Variants in HHIPL2 observed in about 807,000 individuals in gnomAD.
HHIPL2 encodes HHIP like 2, also known as HHIP-like protein 2.
In HHIPL2, 61 loss-of-function variants were observed where a neutral mutation model predicts 61.0. That is an observed-to-expected ratio of 1.00 (90% CI 0.81 to 1.24). The LOEUF (loss-of-function observed/expected upper bound fraction) is 1.24, where lower values mean the gene tolerates loss of function less well. HHIPL2 is among the 50% of genes most tolerant of loss of function. The pLI is 0.00. For synonymous variants in HHIPL2, 343 were observed against 357.4 expected, an observed-to-expected ratio of 0.96 and a Z score of 0.45; for missense variants, 885 against 910.2, an observed-to-expected ratio of 0.97 and a Z score of 0.36.
intron 5 of HHIPL2, among the ~76,000 whole-genome samples, chr1:222,532,639 G>A (rs145510981): frequency 5.9e-4 from 88 of 150,026 alleles, no homozygotes; most frequent in African/African-American, 1.9e-3. Flanking sequence ...AGAGTTTGAC[G>A]TGCTGTGTAG....
At chr1:222,542,765 C>T (rs938250947) in intron 2 of HHIPL2, among the ~76,000 whole-genome samples, 12 of 152,022 alleles carry the variant, frequency 7.9e-5, no homozygotes, top group South Asian at 4.2e-4. Flanking sequence ...TCAAGTGATC[C>T]GCCCGCCTCA....
chr1:222,527,124 A>C, intron 6 of HHIPL2, 74 bp from the exon 7 acceptor site: 3 of 1,187,598 alleles, frequency 2.5e-6, no homozygotes, highest in Non-Finnish European at 3.7e-6. Context: ...ATGCACAGAA[A>C]ATGGTCAAAA....
chr1:222,531,628 G>A (rs1389915046), intron 6 of HHIPL2, among the ~76,000 whole-genome samples: 1 of 151,934 alleles, frequency 6.6e-6, no homozygotes, highest in Non-Finnish European at 1.5e-5. Context: ...GGCGCCTGTA[G>A]TCCCAGCTAC....
chr1:222,523,046 G>A (rs913772484), intron 8 of HHIPL2, among the ~76,000 whole-genome samples, 159 bp from the exon 9 acceptor site: 2 of 151,788 alleles, frequency 1.3e-5, no homozygotes, highest in Non-Finnish European at 2.9e-5. Flanking sequence ...TTTTTAGAAG[G>A]GTCACTCCAG....
intron 5 of HHIPL2, among the ~76,000 whole-genome samples, chr1:222,535,177 C>G (rs1195003483): frequency 6.6e-6 from 1 of 152,132 alleles, no homozygotes; most frequent in Non-Finnish European, 1.5e-5. Flanking sequence ...AGTGGCGCAG[C>G]CTCTAAAGAA....
At position 222,522,720 on chromosome 1, in the gene HHIPL2, T is replaced by C. The variant is rs747852684; in HGVS notation, c.2056A>G (p.Lys686Glu). ...ACGTGGGGCCCCACTCTGGCTTTCTTCTTTGTACCAGGCCCTCGCAATGTA... is the reference window on the plus strand; with the variant it reads ...ACGTGGGGCCCCACTCTGGCTTTCTCCTTTGTACCAGGCCCTCGCAATGTA... ...KNTLRGPGTK[K>E]KARVGPHVRQ... Residue 686 changes from lysine to glutamate, a missense_variant, in exon 9 of 9, where the codon AAG (lysine) becomes GAG (glutamate). Transcript: ENST00000343410. 7 of 1,614,150 alleles carry C rather than the reference T, an allele frequency of 4.3e-6. No homozygotes were observed. The highest frequency in any genetic ancestry group is 1.6e-4 in the Middle Eastern group (1 of 6,062).
At chr1:222,544,331 A>C in intron 1 of HHIPL2, 142 bp from the exon 2 acceptor site, 1 of 849,072 alleles carries the variant, frequency 1.2e-6, no homozygotes, top group South Asian at 1.8e-5. Context: ...ACTGCTGCTA[A>C]AACTCTTCTC....
intron 6 of HHIPL2, among the ~76,000 whole-genome samples, chr1:222,527,444 C>T (rs1659093430): frequency 6.6e-6 from 1 of 152,170 alleles, no homozygotes; most frequent in Non-Finnish European, 1.5e-5. Context: ...GACCATCTGT[C>T]AATCGCTTTA....
At chr1:222,533,158 G>A (rs34784304) in intron 5 of HHIPL2, among the ~76,000 whole-genome samples, 1 of 151,758 alleles carries the variant, frequency 6.6e-6, no homozygotes, top group Non-Finnish European at 1.5e-5. Flanking sequence ...TGAGGCCAGG[G>A]GTTCGAGACC....
At position 222,541,873 on chromosome 1, in the gene HHIPL2, A is replaced by G. The variant is rs879740078; in HGVS notation, c.1118+139T>C. On this transcript the variant is annotated intron_variant, in intron 3 of 8. Transcript: ENST00000343410. ...ATGTCTGAAATTTATGGAACAGAAA[A>G]CCAAATGTTCCTCCCATTGCCTCAG... 3.6e-6 allele frequency: 3 copies of G among 827,586 alleles called. No individual in the cohort carries two copies. In the Admixed American group the frequency reaches 9.9e-5, roughly 27 times the overall value. 51.3% of individuals were successfully genotyped at this position (827,586 alleles called of 1,614,324 possible).
At chr1:222,530,736 A>AAT in intron 6 of HHIPL2, among the ~76,000 whole-genome samples, 1 of 130,914 alleles carries the variant, frequency 7.6e-6, no homozygotes, top group Admixed American at 7.9e-5. Context: ...TTTTTTTTAA[A>AAT]TTTTTTCTTT....
rs145415446 is a variant in HHIPL2, at chr1:222,543,830, G to C, written c.681C>G (p.Asp227Glu). 1 of 1,614,006 alleles carries C rather than the reference G, an allele frequency of 6.2e-7. No homozygotes were observed. The highest frequency in any genetic ancestry group is 2.2e-5 in the East Asian group (1 of 44,870). Residue 227 changes from aspartate to glutamate, a missense_variant, in exon 2 of 9, where the codon GAC becomes GAG. Transcript: ENST00000343410. Reference protein sequence around the residue: ...RNPVSMVHAGDGTHRFFVAEQ... With the variant: ...RNPVSMVHAGEGTHRFFVAEQ... ...CGGCAACAAAGAAGCGATGGGTGCC[G>C]TCCCCAGCATGGACCATGGAGACGG...
rs747441729 is a variant in HHIPL2 at position 222,543,869 on chromosome 1, G to C, written c.642C>G (p.Asn214Lys). The C allele has an allele frequency of 2.8e-5, 45 of 1,614,036 alleles. No individual in the cohort carries two copies. The highest frequency in any genetic ancestry group is 3.6e-5 in the Non-Finnish European group (43 of 1,180,020). The change falls in exon 2 of 9, where the codon AAC becomes AAG. Residue 214 changes from asparagine (N) to lysine (K), a missense_variant. Transcript: ENST00000343410. ...CLQLCLSEVA[N>K]GLRNPVSMVH... ...CCATGGAGACGGGGTTCCTCAGCCC[G>C]TTGGCCACCTCGCTCAGGCAGAGCT... is the stretch of plus-strand genomic sequence containing the variant.
chr1:222,536,064 A>G (rs949761871), intron 5 of HHIPL2, among the ~76,000 whole-genome samples: 3 of 152,100 alleles, frequency 2.0e-5, no homozygotes, highest in African/African-American at 7.2e-5. Context: ...TCTCAGATCA[A>G]TAATCTCAGC....
intron 6 of HHIPL2, among the ~76,000 whole-genome samples, chr1:222,530,650 C>A (rs1659166271): frequency 6.6e-6 from 1 of 152,196 alleles, no homozygotes; most frequent in African/African-American, 2.4e-5. Context: ...AAGGCAGCCA[C>A]CTCATGGCCC....
chr1:222,526,750 T>TA (rs1195990007), intron 7 of HHIPL2, among the ~76,000 whole-genome samples: 1 of 142,394 alleles, frequency 7.0e-6, no homozygotes, highest in Non-Finnish European at 1.5e-5. Flanking sequence ...AGACTAACCC[T>TA]AGAAAGGCTC....
At position 222,541,951 on chromosome 1, in the gene HHIPL2, A is replaced by C. The variant is rs146202814; in HGVS notation, c.1118+61T>G. 746 of 1,526,022 alleles carry C rather than the reference A, an allele frequency of 4.9e-4. 5 individuals are homozygous for C. The African/African-American group carries it at 9.9e-3, about 20-fold the overall frequency. The allele number at this position is 1,526,022 out of a possible 1,614,324, so 94.5% of individuals were successfully genotyped here. On this transcript the variant is annotated intron_variant, in intron 3 of 8. Coordinates refer to ENST00000343410, the MANE Select transcript of HHIPL2 (RefSeq NM_024746.4). The stretch of plus-strand genomic sequence containing the variant: ...GATTTGAGTTTGATGCCATCCCTGC[A>C]AAAACACCACACCAGGGGCTCACTC...
At position 222,544,167 on chromosome 1, in the gene HHIPL2, T is replaced by C. The variant is rs1222910733; in HGVS notation, c.344A>G (p.His115Arg). The stretch of plus-strand genomic sequence containing the variant: ...CTGGGTGTTTTCGGCGTCGTAGAGG[T>C]GGGCTGCGTAGGGCGAGCACTCCTA... ...LCQECSPYAA[H>R]LYDAENTQTP... The change falls in exon 2 of 9, where the codon CAC becomes CGC. Residue 115 changes from histidine (H) to arginine (R), a missense_variant. By Grantham distance (29) the His-to-Arg change is conservative. Coordinates refer to ENST00000343410, the MANE Select transcript of HHIPL2 (RefSeq NM_024746.4). The C allele has an allele frequency of 6.2e-7, 1 of 1,612,880 alleles. No homozygotes were observed. Among genetic ancestry groups the C allele is most frequent in the Non-Finnish European group, 8.5e-7 (1 of 1,179,938 alleles).
chr1:222,531,727 CTG>C (rs1321308316), intron 6 of HHIPL2, among the ~76,000 whole-genome samples: 1 of 151,670 alleles, frequency 6.6e-6, no homozygotes, highest in Non-Finnish European at 1.5e-5. Context: ...GAGCAAGACT[CTG>C]TCTCAAAAAA....
Sources: gnomAD v4.1 joint callset for allele counts (sites outside exome capture counted in the v4.1 genomes callset) on GRCh38, gnomAD v4.1.1 for gene constraint, MANE v1.5 for transcripts, NCBI Gene and HGNC (gene_info 2026-07-23, HGNC 2026-07-21) for gene names.